Variants in TNFSF4 observed in about 807,000 individuals in gnomAD.
The protein encoded by TNFSF4 is tumor necrosis factor ligand superfamily member 4.
Under a neutral mutation model 7.3 loss-of-function variants are expected in TNFSF4, and 4 were observed. That is an observed-to-expected ratio of 0.55 (90% confidence interval 0.27 to 1.25). The LOEUF is 1.25. Among genes scored for constraint, TNFSF4 ranks in the 50% most tolerant of loss-of-function variants. The pLI is 0.12. For synonymous variants in TNFSF4, 76 were observed against 83.7 expected, an observed-to-expected ratio of 0.91 and a Z score of 0.50; for missense variants, 181 against 208.8, an observed-to-expected ratio of 0.87 and a Z score of 0.82.
At chr1:173,423,309 T>C in the TNFSF4 span, among the ~76,000 whole-genome samples, 38 of 152,274 alleles carry the variant, frequency 2.5e-4, no homozygotes, top group African/African-American at 8.9e-4. Context: ...AGAGTAGAAG[T>C]TGATCTTCAA....
At chr1:173,413,206 G>C in the TNFSF4 span, among the ~76,000 whole-genome samples, 1 of 152,326 alleles carries the variant, frequency 6.6e-6, no homozygotes, top group South Asian at 2.1e-4. Context: ...ATAGGAGAGA[G>C]AGAAAGACAG....
chr1:173,205,662 A>T, intron 1 of TNFSF4: 1 of 902,378 alleles, frequency 1.1e-6, no homozygotes, highest in Non-Finnish European at 1.3e-6. Flanking sequence ...ATATTTGGTT[A>T]CTCTCTTTGT....
chr1:173,416,924 C>T, the TNFSF4 span, among the ~76,000 whole-genome samples: 1 of 152,132 alleles, frequency 6.6e-6, no homozygotes, highest in African/African-American at 2.4e-5. Flanking sequence ...AGCACACACA[C>T]ATTCCTGGTG....
the TNFSF4 span, among the ~76,000 whole-genome samples, chr1:173,227,701 G>A: frequency 1.3e-5 from 2 of 152,196 alleles, no homozygotes; most frequent in African/African-American, 2.4e-5. Flanking sequence ...GGGAAGCTGT[G>A]ACAGATGGCA....
the TNFSF4 span, among the ~76,000 whole-genome samples, chr1:173,345,172 C>G: frequency 6.6e-6 from 1 of 152,140 alleles, no homozygotes; most frequent in South Asian, 2.1e-4. Context: ...TATAGCATAG[C>G]AAAACCAAGA....
At chr1:173,441,241 T>C in the TNFSF4 span, among the ~76,000 whole-genome samples, 1 of 152,130 alleles carries the variant, frequency 6.6e-6, no homozygotes, top group Non-Finnish European at 1.5e-5. Flanking sequence ...TTCTTTTACT[T>C]CTCACCCTTT....
At chr1:173,229,605 G>T in the TNFSF4 span, among the ~76,000 whole-genome samples, 1 of 152,096 alleles carries the variant, frequency 6.6e-6, no homozygotes, top group Non-Finnish European at 1.5e-5. Context: ...ATGTAAATGG[G>T]CTAAATGCTC....
the TNFSF4 span, among the ~76,000 whole-genome samples, chr1:173,176,168 C>T: frequency 6.6e-6 from 1 of 151,946 alleles, no homozygotes; most frequent in Non-Finnish European, 1.5e-5. Context: ...ATTTATGAAG[C>T]TTGCCTAACA....
At chr1:173,252,264 A>T in the TNFSF4 span, among the ~76,000 whole-genome samples, 2 of 152,314 alleles carry the variant, frequency 1.3e-5, no homozygotes, top group African/African-American at 4.8e-5. Context: ...AAAGTCTTCC[A>T]GAAAGTCTAT....
At chr1:173,230,017 AG>A in the TNFSF4 span, among the ~76,000 whole-genome samples, 1 of 152,200 alleles carries the variant, frequency 6.6e-6, no homozygotes, top group Admixed American at 6.5e-5. Flanking sequence ...AACATTAGAC[AG>A]GTCAACAAGA....
the TNFSF4 span, chr1:173,351,755 C>G: frequency 1.8e-6 from 1 of 561,590 alleles, no homozygotes; most frequent in Non-Finnish European, 3.2e-6. Flanking sequence ...TACGAGGACA[C>G]TATAAAGGTC....
chr1:173,448,516 C>T, the TNFSF4 span, among the ~76,000 whole-genome samples: 2 of 152,060 alleles, frequency 1.3e-5, no homozygotes, highest in South Asian at 4.2e-4. Flanking sequence ...AAAAGAGAGT[C>T]AGAGAAGGGA....
chr1:173,444,940 T>C, the TNFSF4 span, among the ~76,000 whole-genome samples: 2 of 152,184 alleles, frequency 1.3e-5, no homozygotes, highest in Non-Finnish European at 2.9e-5. Flanking sequence ...TAAACAGGCT[T>C]TACCCGCTCA....
the TNFSF4 span, among the ~76,000 whole-genome samples, chr1:173,424,937 A>T: frequency 6.6e-6 from 1 of 152,198 alleles, no homozygotes; most frequent in African/African-American, 2.4e-5. Flanking sequence ...AAGGTGGCAC[A>T]CCTTCAATCA....
the TNFSF4 span, among the ~76,000 whole-genome samples, chr1:173,408,166 C>T: frequency 7.2e-5 from 11 of 152,164 alleles, no homozygotes; most frequent in Non-Finnish European, 1.5e-4. Context: ...AAGACAACTT[C>T]TAAATACCAT....
chr1:173,365,588 G>A, the TNFSF4 span, among the ~76,000 whole-genome samples: 1 of 152,118 alleles, frequency 6.6e-6, no homozygotes, highest in Non-Finnish European at 1.5e-5. Flanking sequence ...TGTCATCAGT[G>A]TCCTCATTGT....
the TNFSF4 span, among the ~76,000 whole-genome samples, chr1:173,436,637 T>G: frequency 2.8e-4 from 42 of 152,324 alleles, no homozygotes; most frequent in East Asian, 6.8e-3. Context: ...CTTGAATTCC[T>G]GACCTCATGA....
chr1:173,375,661 C>T, the TNFSF4 span, among the ~76,000 whole-genome samples: 1 of 149,562 alleles, frequency 6.7e-6, no homozygotes, highest in Non-Finnish European at 1.5e-5. Context: ...ATGCACCAAT[C>T]AGCCGGATCC....
At chr1:173,413,363 T>A in the TNFSF4 span, among the ~76,000 whole-genome samples, 1 of 152,178 alleles carries the variant, frequency 6.6e-6, no homozygotes, top group African/African-American at 2.4e-5. Context: ...GGGGAACTTG[T>A]TATTCTTTTT....
Sources: gnomAD v4.1 joint callset for allele counts (sites outside exome capture counted in the v4.1 genomes callset) on GRCh38, gnomAD v4.1.1 for gene constraint, MANE v1.5 for transcripts, NCBI Gene and HGNC (gene_info 2026-07-23, HGNC 2026-07-21) for gene names.